The following PDE4D variants were observed in gnomAD, a reference collection of about 807,000 sequenced individuals.
PDE4D encodes 3',5'-cyclic-AMP phosphodiesterase 4D.
In PDE4D, 24 loss-of-function variants were observed where a neutral mutation model predicts 87.4. The ratio of observed to expected loss-of-function variants is 0.27; its 90% confidence interval spans 0.20 to 0.39. The LOEUF (loss-of-function observed/expected upper bound fraction) is 0.39. Among genes scored for constraint, PDE4D ranks in the 10% least tolerant of loss-of-function variants. The pLI is 1.00. For missense variants in PDE4D, 714 were observed against 1,041.0 expected (o/e 0.69, Z 4.32); for synonymous variants, 384 against 383.2 (o/e 1.00, Z -0.02).
chr5:60,416,547 C>T (rs909088257), intron 1 of PDE4D, among the ~76,000 whole-genome samples: 1 of 152,156 alleles, frequency 6.6e-6, no homozygotes, highest in Non-Finnish European at 1.5e-5. Context: ...CGAAGGTCTG[C>T]AGCTTCACTC....
intron 3 of PDE4D, among the ~76,000 whole-genome samples, chr5:59,979,418 A>AGG (rs1300533419): frequency 1.4e-5 from 1 of 69,390 alleles, no homozygotes; most frequent in African/African-American, 3.3e-5. Flanking sequence ...TCACACAGCA[A>AGG]GGGGTGTGTG....
At chr5:59,789,565 C>G (rs758844927) in intron 1 of PDE4D, among the ~76,000 whole-genome samples, 9 of 152,212 alleles carry the variant, frequency 5.9e-5, no homozygotes, top group Non-Finnish European at 1.3e-4. Flanking sequence ...TGAAGTCATA[C>G]AGTATATTTA....
At chr5:59,132,572 A>T (rs1341417796) in intron 5 of PDE4D, among the ~76,000 whole-genome samples, 2 of 152,220 alleles carry the variant, frequency 1.3e-5, no homozygotes, top group Non-Finnish European at 2.9e-5. Context: ...ATTTTCAGGT[A>T]CAGTTTTAAA....
intron 1 of PDE4D, among the ~76,000 whole-genome samples, chr5:60,202,870 A>C (rs1200450740): frequency 6.6e-6 from 1 of 152,244 alleles, no homozygotes; most frequent in Non-Finnish European, 1.5e-5. Context: ...TGGCAAATAC[A>C]TCAAAAGCCT....
At chr5:59,633,030 A>G (rs551959963) in intron 1 of PDE4D, among the ~76,000 whole-genome samples, 1 of 152,326 alleles carries the variant, frequency 6.6e-6, no homozygotes, top group South Asian at 2.1e-4. Flanking sequence ...ACCAGTTTAG[A>G]GAAGAACATA....
In PDE4D at chr5:59,354,282, G is replaced by A. The variant is rs192589370; in HGVS notation, c.456-138314C>T. ...GGAATCAGATCCAAAGCCTCTTAAA[G>A]GTCAAGATAAGCTTAAGTTACTTTC... is the stretch of plus-strand genomic sequence containing the variant. On this transcript the variant is annotated intron_variant, in intron 1 of 14. Coordinates refer to ENST00000340635, the MANE Select transcript of PDE4D (RefSeq NM_001104631.2). Among the ~76,000 whole-genome samples, 418 of 152,254 alleles carry A rather than the reference G, an allele frequency of 2.7e-3. 1 individual carries two copies. Among genetic ancestry groups the A allele is most frequent in the Non-Finnish European group, 4.2e-3 (285 of 68,006 alleles).
At chr5:59,530,990 G>A (rs1156567800) in intron 1 of PDE4D, among the ~76,000 whole-genome samples, 1 of 152,128 alleles carries the variant, frequency 6.6e-6, no homozygotes, top group African/African-American at 2.4e-5. Context: ...CATCTTCTTT[G>A]AATACGGTGT....
At chr5:59,104,720 G>A (rs777754840) in intron 5 of PDE4D, among the ~76,000 whole-genome samples, 1 of 152,046 alleles carries the variant, frequency 6.6e-6, no homozygotes, top group Non-Finnish European at 1.5e-5. Context: ...AGGAACAAAG[G>A]AAAGAGGGAA....
intron 1 of PDE4D, among the ~76,000 whole-genome samples, chr5:59,388,626 T>TACACACACACACACACACACACACAC (rs71604788): frequency 4.0e-5 from 6 of 148,300 alleles, no homozygotes; most frequent in Non-Finnish European, 7.5e-5. Flanking sequence ...GAAAATGTGG[T>TACACACACACACACACACACACACAC]ACACACACAC....
In PDE4D at chr5:58,975,321, T is replaced by G. The variant is rs1743443654; in HGVS notation, c.2014-241A>C. 6.6e-6 allele frequency among the ~76,000 whole-genome samples: 1 copy of G among 152,188 alleles called. No homozygotes were observed. The highest frequency in any genetic ancestry group is 2.1e-4 in the South Asian group (1 of 4,832). ...AGCATGTTCTATAGCATAAAAAATT[T>G]TCCAGTTGTTGACATGGTAGGGCTT... On this transcript the variant is annotated intron_variant, in intron 14 of 14. Coordinates refer to ENST00000340635, the MANE Select transcript of PDE4D (RefSeq NM_001104631.2). This position sits in a 1 kb window ranked among gnomAD's most constrained non-coding sequence, Gnocchi z 4.2.
intron 1 of PDE4D, among the ~76,000 whole-genome samples, chr5:59,423,546 T>C (rs190493224): frequency 2.6e-5 from 4 of 152,074 alleles, no homozygotes; most frequent in Non-Finnish European, 4.4e-5. Flanking sequence ...ATTATGATAG[T>C]GCAGTAACAG....
At chr5:59,084,639 C>A (rs1378706406) in intron 5 of PDE4D, among the ~76,000 whole-genome samples, 1 of 151,962 alleles carries the variant, frequency 6.6e-6, no homozygotes, top group African/African-American at 2.4e-5. Flanking sequence ...GTAATCCCAG[C>A]ACTTCGAGAG....
At chr5:59,636,810 A>T (rs976874418) in intron 1 of PDE4D, among the ~76,000 whole-genome samples, 37 of 152,328 alleles carry the variant, frequency 2.4e-4, no homozygotes, top group African/African-American at 7.2e-4. Context: ...CCTAGAAGAA[A>T]ACCTAGGCAA....
At chr5:59,633,441 T>C (rs765582392) in intron 1 of PDE4D, among the ~76,000 whole-genome samples, 30 of 152,094 alleles carry the variant, frequency 2.0e-4, no homozygotes, top group Middle Eastern at 3.2e-3. Context: ...AATCGTGAGA[T>C]TCATCAAGGT....
At chr5:59,653,164 A>G (rs945573204) in intron 1 of PDE4D, among the ~76,000 whole-genome samples, 1 of 151,652 alleles carries the variant, frequency 6.6e-6, no homozygotes, top group Non-Finnish European at 1.5e-5. Flanking sequence ...ACATAGATGC[A>G]TACTGAACTG....
At chr5:59,972,270 TC>T (rs1342445956) in intron 3 of PDE4D, among the ~76,000 whole-genome samples, 2 of 152,002 alleles carry the variant, frequency 1.3e-5, no homozygotes, top group East Asian at 3.9e-4. Flanking sequence ...ATTCTGAAAC[TC>T]CCCCAAAACA....
chr5:59,760,686 T>C (rs1394838572), intron 1 of PDE4D, among the ~76,000 whole-genome samples: 1 of 152,200 alleles, frequency 6.6e-6, no homozygotes, highest in African/African-American at 2.4e-5. Context: ...AGATATATCA[T>C]AAATAACAAA....
At chr5:60,501,775 G>GT (rs1465910121) in intron 1 of PDE4D, among the ~76,000 whole-genome samples, 1 of 152,120 alleles carries the variant, frequency 6.6e-6, no homozygotes, top group Non-Finnish European at 1.5e-5. Context: ...TTTTTCATGT[G>GT]TTTTTTTGGT....
At chr5:60,484,408 T>C (rs1262166190) in intron 1 of PDE4D, among the ~76,000 whole-genome samples, 2 of 152,138 alleles carry the variant, frequency 1.3e-5, no homozygotes, top group African/African-American at 4.8e-5. Context: ...AAACATAGCT[T>C]AGAAAGTTAG....
Sources: gnomAD v4.1 joint callset for allele counts (sites outside exome capture counted in the v4.1 genomes callset) on GRCh38, gnomAD v4.1.1 for gene constraint, Gnocchi (gnomAD v3.1) non-coding constraint, MANE v1.5 for transcripts, NCBI Gene and HGNC (gene_info 2026-07-23, HGNC 2026-07-21) for gene names.